The following ZC3H11A variants were observed in gnomAD, a reference collection of about 807,000 sequenced individuals.
ZC3H11A encodes the protein zinc finger CCCH domain-containing protein 11A.
In ZC3H11A, 22 loss-of-function variants were observed where a neutral mutation model predicts 90.8. The ratio of observed to expected loss-of-function variants is 0.24; its 90% CI spans 0.17 to 0.35. The LOEUF (loss-of-function observed/expected upper bound fraction) is 0.35, where lower values mean the gene tolerates loss of function less well. ZC3H11A is among the 10% of genes least tolerant of loss of function. The probability of loss-of-function intolerance (pLI) is 1.00; values close to 1 mark genes in which losing one functional copy is unlikely to be tolerated. For missense variants in ZC3H11A, 701 were observed against 964.9 expected, an observed-to-expected ratio of 0.73 and a Z score of 3.62; for synonymous variants, 294 against 339.8, an observed-to-expected ratio of 0.87 and a Z score of 1.48.
chr1:203,812,918 A>G (rs1675005479), intron 2 of ZC3H11A, among the ~76,000 whole-genome samples: 1 of 152,172 alleles, frequency 6.6e-6, no homozygotes, highest in African/African-American at 2.4e-5. Context: ...TGCAATCCCT[A>G]ATGATGCATG....
intron 1 of ZC3H11A, chr1:203,798,930 T>C: frequency 6.5e-7 from 1 of 1,536,134 alleles, no homozygotes; most frequent in Non-Finnish European, 8.7e-7. Context: ...AAAAATTTTC[T>C]TAACTTTAGA....
chr1:203,813,542 C>G (rs1416178690), intron 2 of ZC3H11A, among the ~76,000 whole-genome samples: 1 of 152,076 alleles, frequency 6.6e-6, no homozygotes, highest in Non-Finnish European at 1.5e-5. Context: ...TCCTTTTCCC[C>G]TTTGTCAAAG....
At chr1:203,809,110 A>G (rs1451473174) in intron 2 of ZC3H11A, among the ~76,000 whole-genome samples, 3 of 150,590 alleles carry the variant, frequency 2.0e-5, no homozygotes, top group East Asian at 3.9e-4. Context: ...GATTACAGGC[A>G]TGAGCCACCA....
chr1:203,848,465 T>C, intron 14 of ZC3H11A, 58 bp downstream of exon 14: 1 of 1,310,028 alleles, frequency 7.6e-7, no homozygotes, highest in Non-Finnish European at 1.1e-6. Flanking sequence ...AGATAATTGG[T>C]AGTTTTACCT....
intron 11 of ZC3H11A, among the ~76,000 whole-genome samples, chr1:203,838,830 A>G (rs1685164795): frequency 2.0e-5 from 3 of 151,994 alleles, no homozygotes; most frequent in South Asian, 2.1e-4. Flanking sequence ...GCACGCACCT[A>G]TAATCCCAGC....
At chr1:203,829,192 G>T in intron 5 of ZC3H11A, 1 of 528,072 alleles carries the variant, frequency 1.9e-6, no homozygotes, top group East Asian at 3.3e-5. Context: ...TTGTGAACAG[G>T]TACTATGCTT....
chr1:203,798,183 G>T, intron 1 of ZC3H11A: 1 of 1,536,112 alleles, frequency 6.5e-7, no homozygotes. Flanking sequence ...TATTCCTACT[G>T]ATCCATTAGA....
intron 2 of ZC3H11A, among the ~76,000 whole-genome samples, chr1:203,812,725 G>A (rs776655519): frequency 1.3e-5 from 2 of 151,842 alleles, no homozygotes; most frequent in Non-Finnish European, 2.9e-5. Flanking sequence ...GGGATTACAG[G>A]TGTGTGCTAC....
Position 203,849,962 on chromosome 1 carries a change from A to G in ZC3H11A, c.1875A>G (p.Ser625=). The change falls in exon 15 of 18, where the codon TCA becomes TCG. Residue 625 remains serine, a synonymous_variant. Coordinates refer to ENST00000367210, the MANE Select transcript of ZC3H11A (RefSeq NM_001376342.1). Reference sequence around the variant, plus strand: ...CCCAGAAGGTGGAGGTAGAAACCTCAGGGATTGGAGACTCATTATTGAATG... The same window carrying G: ...CCCAGAAGGTGGAGGTAGAAACCTCGGGGATTGGAGACTCATTATTGAATG... The part of the protein sequence containing the change: ...KSSQKVEVET[S]GIGDSLLNVK... 1 of 1,614,152 alleles carries G rather than the reference A, an allele frequency of 6.2e-7. No homozygotes were observed. Among genetic ancestry groups the G allele is most frequent in the East Asian group, 2.2e-5 (1 of 44,874 alleles).
At chr1:203,848,495 C>T in intron 14 of ZC3H11A, 88 bp downstream of exon 14, 6 of 933,512 alleles carry the variant, frequency 6.4e-6, no homozygotes, top group Non-Finnish European at 9.9e-6. Context: ...TTTCTAAGTA[C>T]TTCATTCATA....
chr1:203,817,202 AGTT>A (rs1676640179), intron 3 of ZC3H11A, 78 bp downstream of exon 3: 8 of 1,267,518 alleles, frequency 6.3e-6, no homozygotes, highest in Non-Finnish European at 8.7e-6. Flanking sequence ...CAACATTTTA[AGTT>A]GTTTTTATTA....
intron 1 of ZC3H11A, chr1:203,799,672 A>T: frequency 1.4e-6 from 1 of 706,660 alleles, no homozygotes; most frequent in East Asian, 2.7e-5. Flanking sequence ...CCCCTAATCC[A>T]TCATCTACTC....
intron 1 of ZC3H11A, chr1:203,798,203 A>G (rs1344128095): frequency 1.2e-5 from 19 of 1,536,046 alleles, no homozygotes; most frequent in Non-Finnish European, 1.7e-5. Context: ...ATGATAATAG[A>G]ATGGGCAAGA....
At chr1:203,850,082 C>T (rs1295469252) in intron 15 of ZC3H11A, 56 bp downstream of exon 15, 1 of 1,522,502 alleles carries the variant, frequency 6.6e-7, no homozygotes, top group Non-Finnish European at 8.9e-7. Context: ...CAAATTCAAC[C>T]CAATTGTTGC....
In ZC3H11A at chr1:203,829,295, CTTT is replaced by C. The variant is rs1558122914; in HGVS notation, c.299-154_299-152del. On this transcript the variant is annotated intron_variant, in intron 5 of 17. Coordinates refer to ENST00000367210, the MANE Select transcript of ZC3H11A (RefSeq NM_001376342.1). Reference sequence around the variant, plus strand: ...GAGAGTTAATTAGGTAAAAGCACATCTTTTCCCTCCCTGGGACTTTAGAACTTA... The same window carrying C: ...GAGAGTTAATTAGGTAAAAGCACATCTCCCTCCCTGGGACTTTAGAACTTA... The C allele has an allele frequency of 4.7e-5, 34 of 725,458 alleles. No homozygotes were observed. The South Asian group carries it at 6.4e-4, about 14-fold the overall frequency. The allele number at this position is 725,458 out of a possible 1,614,324, so 44.9% of individuals were successfully genotyped here.
intron 4 of ZC3H11A, among the ~76,000 whole-genome samples, chr1:203,823,924 A>C (rs116243338): frequency 0.011 from 1,624 of 152,286 alleles, 21 homozygotes; most frequent in African/African-American, 0.037. Flanking sequence ...GGAAATAATC[A>C]GGATATATTG....
chr1:203,838,194 C>T (rs910643442), intron 11 of ZC3H11A, 130 bp downstream of exon 11: 14 of 873,682 alleles, frequency 1.6e-5, no homozygotes, highest in Middle Eastern at 2.5e-4. Flanking sequence ...ATATTATTCA[C>T]TCAACAAACA....
chr1:203,801,713 A>T lies in ZC3H11A; in HGVS notation c.-1449A>T, dbSNP rs1271121618. The T allele has an allele frequency of 6.6e-6, 1 of 152,492 alleles. No individual in the cohort carries two copies. Among genetic ancestry groups the T allele is most frequent in the African/African-American group, 2.4e-5 (1 of 41,428 alleles). 9.4% of individuals were successfully genotyped at this position (152,492 alleles called of 1,614,324 possible). A position where few individuals can be genotyped will look rare whatever the true frequency, so the allele number is the denominator to read the frequency against. Reference sequence around the variant, plus strand: ...TTTGGCAAGATTTAGCCTAGAAATTATGTAGTATTTATTACATAAGAATCA... The same window carrying T: ...TTTGGCAAGATTTAGCCTAGAAATTTTGTAGTATTTATTACATAAGAATCA... On this transcript the variant is annotated 5_prime_UTR_variant, in exon 2 of 18. An upstream start codon of the reference 5' UTR is lost. Coordinates refer to ENST00000367210, the MANE Select transcript of ZC3H11A (RefSeq NM_001376342.1).
chr1:203,849,834 G>A lies in ZC3H11A; in HGVS notation c.1747G>A (p.Gly583Arg). 6.2e-7 allele frequency: 1 copy of A among 1,614,004 alleles called. No homozygotes were observed. Among genetic ancestry groups the A allele is most frequent in the South Asian group, 1.1e-5 (1 of 91,072 alleles). The change falls in exon 15 of 18, where the codon GGA becomes AGA. Residue 583 changes from glycine (G) to arginine (R), a missense_variant. By Grantham distance (125) the Gly-to-Arg change is moderately radical. Around this residue, in one of 4 missense-constraint regions of ZC3H11A, gnomAD observed 530 missense variants for 696.2 expected, o/e 0.76. Transcript: ENST00000367210. Reference sequence around the variant, plus strand: ...AAAATCAGTCTTGACACCTCTTCGGGGAGATGTAGCCTCTTGCAATACCCA... The same window carrying A: ...AAAATCAGTCTTGACACCTCTTCGGAGAGATGTAGCCTCTTGCAATACCCA... ...REKSVLTPLR[G>R]DVASCNTQVA...
Sources: gnomAD v4.1 joint callset for allele counts (sites outside exome capture counted in the v4.1 genomes callset) on GRCh38, gnomAD v4.1.1 for gene constraint, gnomAD v4.1.1 regional missense constraint, MANE v1.5 for transcripts, NCBI Gene and HGNC (gene_info 2026-07-23, HGNC 2026-07-21) for gene names.